The following INPP4B variants were observed in gnomAD, a reference collection of about 807,000 sequenced individuals.
INPP4B encodes inositol polyphosphate-4-phosphatase type II B.
Under a neutral mutation model 122.5 loss-of-function variants are expected in INPP4B, and 55 were observed. That is an observed-to-expected ratio of 0.45 (90% CI 0.36 to 0.56). INPP4B has a LOEUF of 0.56. Ranked by LOEUF, INPP4B falls within the 20% of genes least tolerant of loss-of-function variation. The pLI is 0.00. For synonymous variants in INPP4B, 403 were observed against 388.7 expected, an observed-to-expected ratio of 1.04 and a Z score of -0.43; for missense variants, 1,000 against 1,097.7, an observed-to-expected ratio of 0.91 and a Z score of 1.26.
chr4:142,029,616 C>T, intron 25 of INPP4B: 5 of 985,074 alleles, frequency 5.1e-6, no homozygotes, highest in Non-Finnish European at 6.0e-6. Context: ...TAGCCATTCT[C>T]TCCATAAAGT....
At chr4:142,055,272 C>T (rs1268347989) in intron 25 of INPP4B, among the ~76,000 whole-genome samples, 1 of 152,018 alleles carries the variant, frequency 6.6e-6, no homozygotes, top group African/African-American at 2.4e-5. Flanking sequence ...TAATGATAAT[C>T]ACTGATTTCT....
At chr4:142,782,218 T>G (rs1774963255) in intron 1 of INPP4B, among the ~76,000 whole-genome samples, 1 of 151,650 alleles carries the variant, frequency 6.6e-6, no homozygotes. Flanking sequence ...CACCTATGAG[T>G]GAGAACATGC....
intron 16 of INPP4B, 107 bp from the exon 17 acceptor site, chr4:142,160,668 G>A: frequency 1.4e-6 from 1 of 714,052 alleles, no homozygotes; most frequent in Non-Finnish European, 2.2e-6. Context: ...TGTGTATGGT[G>A]GAAAAAGTAC....
rs77355901 is a variant in INPP4B at position 142,243,419 on chromosome 4, A to T, written c.689-5408T>A. On this transcript the variant is annotated intron_variant, in intron 11 of 25. Coordinates refer to ENST00000262992, the MANE Select transcript of INPP4B (RefSeq NM_001101669.3). ...AGCACACAGTAATGAAAACATATGG[A>T]AATTTCAATAGAGCAAAGCCAGTGG... 5.8e-3 allele frequency among the ~76,000 whole-genome samples: 885 copies of T among 152,336 alleles called. 11 individuals carry two copies. Among genetic ancestry groups the T allele is most frequent in the African/African-American group, 0.018 (754 of 41,560 alleles).
In INPP4B at chr4:142,369,584, A is replaced by T. The variant is rs1480355663; in HGVS notation, c.372+33354T>A. Among the ~76,000 whole-genome samples the T allele has an allele frequency of 3.8e-5, 5 of 132,678 alleles. No individual in the cohort carries two copies. In the South Asian group the frequency reaches 7.9e-4, roughly 21 times the overall value. The allele number at this position is 132,678 out of a possible 152,430, so 87.0% of individuals were successfully genotyped here. On this transcript the variant is annotated intron_variant, in intron 7 of 25. Coordinates refer to ENST00000262992, the MANE Select transcript of INPP4B (RefSeq NM_001101669.3). ...AGAATGAGACCCTGTCTCGAAAATT[A>T]AAAAAATAAATAAATAAATAAATAA...
chr4:142,752,645 A>T (rs919310525), intron 1 of INPP4B, among the ~76,000 whole-genome samples: 5 of 152,210 alleles, frequency 3.3e-5, no homozygotes, highest in African/African-American at 1.2e-4. Flanking sequence ...TGCAGCTGTC[A>T]GGCAGCAAGA....
chr4:142,625,220 T>A lies in INPP4B; in HGVS notation c.-191+100619A>T, dbSNP rs538732658. Among the ~76,000 whole-genome samples the A allele has an allele frequency of 4.9e-3, 752 of 152,116 alleles. 7 individuals carry two copies. The highest frequency in any genetic ancestry group is 0.016 in the African/African-American group (653 of 41,506). ...CCTGTTTGCAGAGGACATGATTGTA[T>A]ATCTAGAAAACCCCATTGTCTCAGC... is the stretch of plus-strand genomic sequence containing the variant. On this transcript the variant is annotated intron_variant, in intron 2 of 25. Coordinates refer to ENST00000262992, the MANE Select transcript of INPP4B (RefSeq NM_001101669.3).
At chr4:142,200,604 A>G (rs1840233903) in intron 14 of INPP4B, among the ~76,000 whole-genome samples, 1 of 151,742 alleles carries the variant, frequency 6.6e-6, no homozygotes. Flanking sequence ...TTGATCACTT[A>G]TTATCACTTA....
intron 2 of INPP4B, among the ~76,000 whole-genome samples, chr4:142,538,874 TAA>T (rs1464199394): frequency 6.6e-6 from 1 of 151,636 alleles, no homozygotes; most frequent in Non-Finnish European, 1.5e-5. Flanking sequence ...GCCAATGCGG[TAA>T]AAAAGAGAGA....
Position 142,065,677 on chromosome 4 carries a change from G to A in INPP4B, c.2642+16354C>T, listed in dbSNP as rs149595642. On this transcript the variant is annotated intron_variant, in intron 25 of 25. Coordinates refer to ENST00000262992, the MANE Select transcript of INPP4B (RefSeq NM_001101669.3). ...ACCTAGTGGTTTCCAAGGGCTGGGG[G>A]GATGGCATTTGGGGAGACACTGGTA... 4.3e-3 allele frequency among the ~76,000 whole-genome samples: 653 copies of A among 152,264 alleles called. 13 individuals are homozygous for A. The highest frequency in any genetic ancestry group is 0.039 in the Admixed American group (601 of 15,286).
intron 15 of INPP4B, among the ~76,000 whole-genome samples, chr4:142,179,953 C>G (rs1830077389): frequency 6.6e-6 from 1 of 152,138 alleles, no homozygotes; most frequent in Non-Finnish European, 1.5e-5. Flanking sequence ...AACCTGGTCT[C>G]CTGATTCCTT....
At chr4:142,624,161 T>C (rs1361757946) in intron 2 of INPP4B, among the ~76,000 whole-genome samples, 2 of 151,800 alleles carry the variant, frequency 1.3e-5, no homozygotes, top group South Asian at 2.1e-4. Context: ...TCCACAATGG[T>C]TGAACTAGTT....
intron 1 of INPP4B, among the ~76,000 whole-genome samples, chr4:142,769,696 C>T (rs532953124): frequency 6.6e-6 from 1 of 152,062 alleles, no homozygotes; most frequent in Non-Finnish European, 1.5e-5. Context: ...AGATGGATCA[C>T]CTGAGGTCAG....
At chr4:142,086,925 C>A (rs1777139217) in intron 23 of INPP4B, among the ~76,000 whole-genome samples, 1 of 152,122 alleles carries the variant, frequency 6.6e-6, no homozygotes, top group African/African-American at 2.4e-5. Context: ...CATTGAGTAG[C>A]TAGTCTGAAT....
chr4:142,451,202 A>G (rs1384749569), intron 3 of INPP4B, among the ~76,000 whole-genome samples: 1 of 151,626 alleles, frequency 6.6e-6, no homozygotes, highest in Non-Finnish European at 1.5e-5. Context: ...TAAAGATTCA[A>G]AACTATTGGT....
intron 2 of INPP4B, among the ~76,000 whole-genome samples, chr4:142,708,633 C>T (rs572896785): frequency 6.6e-6 from 1 of 152,282 alleles, no homozygotes; most frequent in East Asian, 1.9e-4. Flanking sequence ...AAGCCACGTG[C>T]ACAGAGGGCA....
intron 12 of INPP4B, among the ~76,000 whole-genome samples, chr4:142,225,286 G>A (rs1162276507): frequency 6.6e-6 from 1 of 152,072 alleles, no homozygotes; most frequent in African/African-American, 2.4e-5. Context: ...GTCTGCCAGG[G>A]GCTCTCTGGC....
At chr4:142,771,476 A>G (rs1381798237) in intron 1 of INPP4B, among the ~76,000 whole-genome samples, 1 of 152,180 alleles carries the variant, frequency 6.6e-6, no homozygotes, top group Non-Finnish European at 1.5e-5. Flanking sequence ...AGTTCAGGAA[A>G]GAATATGGTG....
chr4:142,246,309 G>A (rs1022079979), intron 11 of INPP4B, among the ~76,000 whole-genome samples: 2 of 151,982 alleles, frequency 1.3e-5, no homozygotes, highest in Non-Finnish European at 2.9e-5. Context: ...GAAATTTAAA[G>A]TAGTTTTTTC....
Sources: allele counts gnomAD v4.1 joint callset (sites outside exome capture counted in the v4.1 genomes callset), GRCh38; gene constraint gnomAD v4.1.1; transcripts MANE v1.5; gene names NCBI Gene and HGNC (gene_info 2026-07-23, HGNC 2026-07-21).